SLC26A2: variants seen among roughly 807,000 people sequenced by gnomAD.
SLC26A2 encodes sulfate transporter.
In SLC26A2, 36 loss-of-function variants were observed where a neutral mutation model predicts 41.1. The observed-to-expected ratio is 0.88, with a 90% confidence interval of 0.67 to 1.16. The LOEUF is 1.16. Ranked by LOEUF, SLC26A2 falls within the 50% of genes most tolerant of loss-of-function variation. SLC26A2 has a pLI of 0.00. For synonymous variants in SLC26A2, 291 were observed against 311.6 expected, an observed-to-expected ratio of 0.93 and a Z score of 0.70; for missense variants, 796 against 869.6, an observed-to-expected ratio of 0.92 and a Z score of 1.07.
rs1461986353 is a variant in SLC26A2 at position 149,978,151 on chromosome 5, G to T, written c.499G>T (p.Val167Leu). The change falls in exon 2 of 3, where the codon GTA becomes TTA. Residue 167 changes from valine (V) to leucine (L), a missense_variant. Coordinates refer to ENST00000286298, the MANE Select transcript of SLC26A2 (RefSeq NM_000112.4). Reference sequence around the variant, plus strand: ...TCACATCTCTGTGGGCATTTTTGGAGTACTGTGCCTTATGATTGGTGAGAC... The same window carrying T: ...TCACATCTCTGTGGGCATTTTTGGATTACTGTGCCTTATGATTGGTGAGAC... Reference protein sequence around the residue: ...SRHISVGIFGVLCLMIGETVD... With the variant: ...SRHISVGIFGLLCLMIGETVD... The T allele has an allele frequency of 6.2e-7, 1 of 1,610,448 alleles. No individual in the cohort carries two copies. Among genetic ancestry groups the T allele is most frequent in the Non-Finnish European group, 8.5e-7 (1 of 1,177,588 alleles).
rs1373437838 is a variant in SLC26A2 at position 149,975,866 on chromosome 5, A to G, written c.-25-1762A>G. Reference sequence around the variant, plus strand: ...ACTTCCTGAGTCCTTCATCTAAAATATATTGTCTCGGCTGGGTGCAGTGGC... The same window carrying G: ...ACTTCCTGAGTCCTTCATCTAAAATGTATTGTCTCGGCTGGGTGCAGTGGC... On this transcript the variant is annotated intron_variant, in intron 1 of 2. Coordinates refer to ENST00000286298, the MANE Select transcript of SLC26A2 (RefSeq NM_000112.4). Among the ~76,000 whole-genome samples the G allele has an allele frequency of 2.0e-5, 3 of 152,112 alleles. No homozygotes were observed. In the East Asian group the frequency reaches 5.8e-4, roughly 29 times the overall value.
At chr5:149,977,209 G>C (rs915054036) in intron 1 of SLC26A2, among the ~76,000 whole-genome samples, 1 of 152,168 alleles carries the variant, frequency 6.6e-6, no homozygotes, top group East Asian at 1.9e-4. Flanking sequence ...TAAGGTTAAG[G>C]TAGGGGTTAA....
Position 149,977,275 on chromosome 5 carries a change from G to A in SLC26A2, c.-25-353G>A, listed in dbSNP as rs118069134. Among the ~76,000 whole-genome samples, 131 of 152,262 alleles carry A rather than the reference G, an allele frequency of 8.6e-4. 4 individuals are homozygous for A. In the East Asian group the frequency reaches 0.02, roughly 23 times the overall value. On this transcript the variant is annotated intron_variant, in intron 1 of 2. Transcript: ENST00000286298. Reference sequence around the variant, plus strand: ...AGGTGAAAAACCTGGGAAGAAGACCGCTGGTAGCATATGTATGGAAAGGAG... The same window carrying A: ...AGGTGAAAAACCTGGGAAGAAGACCACTGGTAGCATATGTATGGAAAGGAG...
At chr5:149,962,602 G>A (rs1284996199) in intron 1 of SLC26A2, among the ~76,000 whole-genome samples, 1 of 152,184 alleles carries the variant, frequency 6.6e-6, no homozygotes, top group African/African-American at 2.4e-5. Flanking sequence ...GCCTTCCAAA[G>A]TGCTGGGATT....
rs976458413 is a variant in SLC26A2 at position 149,984,706 on chromosome 5, G to A, written c.*2893G>A. Reference sequence around the variant, plus strand: ...GTTTTCATTTGCTCTCTTGACCAAAGGATAGGACTTTAGTTCTTTAAGCAT... The same window carrying A: ...GTTTTCATTTGCTCTCTTGACCAAAAGATAGGACTTTAGTTCTTTAAGCAT... On this transcript the variant is annotated 3_prime_UTR_variant, in exon 3 of 3. Transcript: ENST00000286298. 2.0e-5 allele frequency: 3 copies of A among 152,172 alleles called. No individual in the cohort carries two copies. Among genetic ancestry groups the A allele is most frequent in the Non-Finnish European group, 4.4e-5 (3 of 68,020 alleles). 9.4% of individuals were successfully genotyped at this position (152,172 alleles called of 1,614,324 possible).
intron 1 of SLC26A2, among the ~76,000 whole-genome samples, chr5:149,968,714 C>T (rs1754848606): frequency 6.6e-6 from 1 of 150,710 alleles, no homozygotes; most frequent in African/African-American, 2.4e-5. Flanking sequence ...GCTACCGTGC[C>T]CGGCCTCAAC....
intron 1 of SLC26A2, among the ~76,000 whole-genome samples, chr5:149,971,846 G>T (rs1435527445): frequency 6.6e-6 from 1 of 152,170 alleles, no homozygotes; most frequent in African/African-American, 2.4e-5. Flanking sequence ...GAGTGATATA[G>T]TAAGTGACTT....
At chr5:149,978,401 A>G (rs561253116) in intron 2 of SLC26A2, 50 bp downstream of exon 2, 12 of 1,270,358 alleles carry the variant, frequency 9.4e-6, no homozygotes, top group Non-Finnish European at 1.3e-5. Context: ...AATCTAGTAC[A>G]TGAAATCTCA....
At chr5:149,967,621 G>A (rs1375836476) in intron 1 of SLC26A2, among the ~76,000 whole-genome samples, 2 of 152,078 alleles carry the variant, frequency 1.3e-5, no homozygotes, top group African/African-American at 4.8e-5. Context: ...ACAATGGTGT[G>A]TAACCATTAC....
rs1421004883 is a variant in SLC26A2, at chr5:149,987,260, G to A, written c.*5447G>A. The A allele has an allele frequency of 6.6e-6, 1 of 152,170 alleles. No homozygotes were observed. The highest frequency in any genetic ancestry group is 1.5e-5 in the Non-Finnish European group (1 of 68,042). The allele number at this position is 152,170 out of a possible 1,614,324, so 9.4% of individuals were successfully genotyped here. ...TAATGTATTGCAGCCTACTGGAAAGGAGGGGGAGTTGGTTAATAGCAGATA... is the reference window on the plus strand; with the variant it reads ...TAATGTATTGCAGCCTACTGGAAAGAAGGGGGAGTTGGTTAATAGCAGATA... On this transcript the variant is annotated 3_prime_UTR_variant, in exon 3 of 3. Transcript: ENST00000286298.
At chr5:149,971,768 T>TGGAAAATA (rs1279434796) in intron 1 of SLC26A2, among the ~76,000 whole-genome samples, 4 of 152,202 alleles carry the variant, frequency 2.6e-5, no homozygotes, top group Non-Finnish European at 5.9e-5. Context: ...AAAATATTAG[T>TGGAAAATA]TGCTTTAGTG....
In SLC26A2 at chr5:149,984,372, G is replaced by C. The variant is rs1334529565; in HGVS notation, c.*2559G>C. The stretch of plus-strand genomic sequence containing the variant: ...AGCCTAATTTGCCGATAAAAAAACT[G>C]TTTTCGGCCAGGTGCAGTGGCTCAT... On this transcript the variant is annotated 3_prime_UTR_variant, in exon 3 of 3. Coordinates refer to ENST00000286298, the MANE Select transcript of SLC26A2 (RefSeq NM_000112.4). 1.3e-5 allele frequency: 2 copies of C among 152,158 alleles called. No homozygotes were observed. Among genetic ancestry groups the C allele is most frequent in the Non-Finnish European group, 2.9e-5 (2 of 68,014 alleles). 9.4% of individuals were successfully genotyped at this position (152,158 alleles called of 1,614,324 possible).
Position 149,981,621 on chromosome 5 carries a change from C to T in SLC26A2, c.2028C>T (p.Ala676=). 6.2e-7 allele frequency: 1 copy of T among 1,614,062 alleles called. No homozygotes were observed. The highest frequency in any genetic ancestry group is 8.5e-7 in the Non-Finnish European group (1 of 1,179,970). ...TLKEVRRDYE[A]IGIQVLLAQC... ...AAGAAGTTCGCAGAGATTATGAAGC[C>T]ATTGGAATCCAGGTTCTGCTGGCTC... Residue 676 remains alanine, a synonymous_variant, in exon 3 of 3, where the codon GCC becomes GCT. Transcript: ENST00000286298.
At chr5:149,972,911 T>A (rs1046450070) in intron 1 of SLC26A2, among the ~76,000 whole-genome samples, 1 of 152,244 alleles carries the variant, frequency 6.6e-6, no homozygotes, top group African/African-American at 2.4e-5. Context: ...CTATTTTATC[T>A]CTACTATTAT....
chr5:149,961,362 G>A (rs1754701942), intron 1 of SLC26A2, among the ~76,000 whole-genome samples: 1 of 152,240 alleles, frequency 6.6e-6, no homozygotes, highest in Non-Finnish European at 1.5e-5. Flanking sequence ...GACAGATGGG[G>A]AAACTGAGGC....
chr5:149,981,965 A>G lies in SLC26A2; in HGVS notation c.*152A>G. The stretch of plus-strand genomic sequence containing the variant: ...CCTTTGAAGCTAATGGCATTTGTAT[A>G]TACACACTGCAGCAGAGCTTGTAGC... On this transcript the variant is annotated 3_prime_UTR_variant, in exon 3 of 3. Transcript: ENST00000286298. 1.6e-6 allele frequency: 1 copy of G among 619,832 alleles called. No individual in the cohort carries two copies. The allele number at this position is 619,832 out of a possible 1,614,324, so 38.4% of individuals were successfully genotyped here.
intron 1 of SLC26A2, among the ~76,000 whole-genome samples, chr5:149,968,577 ATT>A (rs34927001): frequency 3.7e-5 from 5 of 136,298 alleles, no homozygotes; most frequent in Non-Finnish European, 3.1e-5. Flanking sequence ...TGCCTGGCTA[ATT>A]TTTTTTTTTT....
At chr5:149,969,323 G>A (rs1036536383) in intron 1 of SLC26A2, among the ~76,000 whole-genome samples, 18 of 152,084 alleles carry the variant, frequency 1.2e-4, no homozygotes, top group Non-Finnish European at 8.8e-5. Flanking sequence ...AGAGAATGAG[G>A]TACTGTAGAC....
chr5:149,961,678 GC>G (rs1418877801), intron 1 of SLC26A2, among the ~76,000 whole-genome samples: 2 of 152,090 alleles, frequency 1.3e-5, no homozygotes, highest in East Asian at 3.8e-4. Context: ...GCCTTCCGGC[GC>G]CCATTCTAGT....
Sources: allele counts gnomAD v4.1 joint callset (sites outside exome capture counted in the v4.1 genomes callset), GRCh38; gene constraint gnomAD v4.1.1; transcripts MANE v1.5; gene names NCBI Gene and HGNC (gene_info 2026-07-23, HGNC 2026-07-21).